PTPRD: variants seen among roughly 807,000 people sequenced by gnomAD.
PTPRD encodes protein tyrosine phosphatase receptor type D, also known as receptor-type tyrosine-protein phosphatase delta.
PTPRD carries 34 observed loss-of-function variants against 214.5 expected under a neutral mutation model. The observed-to-expected ratio is 0.16, with a 90% CI of 0.12 to 0.21. The LOEUF is 0.21. Among genes scored for constraint, PTPRD ranks in the 10% least tolerant of loss-of-function variants. The probability of loss-of-function intolerance (pLI) is 1.00; values close to 1 mark genes in which losing one functional copy is unlikely to be tolerated. For missense variants in PTPRD, 2,545 were observed against 2,398.7 expected, an observed-to-expected ratio of 1.06 and a Z score of -1.27; for synonymous variants, 1,128 against 845.7, an observed-to-expected ratio of 1.33 and a Z score of -5.79.
At chr9:9,375,982 T>C (rs1440032133) in intron 9 of PTPRD, among the ~76,000 whole-genome samples, 1 of 152,144 alleles carries the variant, frequency 6.6e-6, no homozygotes, top group Non-Finnish European at 1.5e-5. Context: ...AAATAAAATG[T>C]CTGTCAGGAT....
intron 2 of PTPRD, among the ~76,000 whole-genome samples, chr9:10,413,146 C>A (rs888575793): frequency 6.6e-6 from 1 of 151,728 alleles, no homozygotes; most frequent in African/African-American, 2.4e-5. Context: ...TAAAAAGAAT[C>A]CATATAGGAA....
chr9:8,491,799 G>C (rs762549907), intron 27 of PTPRD, among the ~76,000 whole-genome samples: 15 of 152,152 alleles, frequency 9.9e-5, no homozygotes, highest in African/African-American at 3.1e-4. Context: ...CTGGCAGTGA[G>C]CATGGCACGC....
intron 11 of PTPRD, among the ~76,000 whole-genome samples, chr9:8,742,901 G>A (rs1056448564): frequency 5.9e-5 from 9 of 152,140 alleles, no homozygotes; most frequent in African/African-American, 2.4e-5. Flanking sequence ...AATGCCTAGA[G>A]ACAATTTTTG....
chr9:9,915,232 T>C (rs1000363411), intron 5 of PTPRD, among the ~76,000 whole-genome samples: 1 of 152,138 alleles, frequency 6.6e-6, no homozygotes, highest in Non-Finnish European at 1.5e-5. Context: ...CGTATGAACA[T>C]ATCTTTCCAT....
intron 35 of PTPRD, among the ~76,000 whole-genome samples, chr9:8,414,889 G>A (rs928315698): frequency 1.5e-5 from 2 of 136,740 alleles, no homozygotes; most frequent in African/African-American, 5.5e-5. Context: ...GAGGGAGGGA[G>A]GGAGAGAGGG....
intron 3 of PTPRD, among the ~76,000 whole-genome samples, chr9:10,035,699 A>G (rs1263320569): frequency 5.3e-5 from 8 of 151,974 alleles, no homozygotes; most frequent in Admixed American, 4.6e-4. Flanking sequence ...ACAACTCCAG[A>G]CCAATCTTAC....
chr9:8,885,526 C>T (rs1001915253), intron 11 of PTPRD, among the ~76,000 whole-genome samples: 3 of 135,438 alleles, frequency 2.2e-5, no homozygotes, highest in African/African-American at 5.5e-5. Flanking sequence ...GACCAAGTCT[C>T]GCTCTTGTCA....
intron 11 of PTPRD, among the ~76,000 whole-genome samples, chr9:8,981,435 T>G (rs927492025): frequency 2.6e-5 from 4 of 152,066 alleles, no homozygotes; most frequent in Admixed American, 6.6e-5. Context: ...TTTAGTAAAG[T>G]CAAGTGTTTA....
chr9:10,492,475 T>C (rs1467040805), intron 2 of PTPRD, among the ~76,000 whole-genome samples: 1 of 152,120 alleles, frequency 6.6e-6, no homozygotes, highest in African/African-American at 2.4e-5. Context: ...GATGATTAGC[T>C]TTTTTTCATA....
intron 10 of PTPRD, among the ~76,000 whole-genome samples, chr9:9,101,681 T>A (rs1374961769): frequency 6.6e-6 from 1 of 152,192 alleles, no homozygotes; most frequent in African/African-American, 2.4e-5. Context: ...AGCTAAAGAC[T>A]TGAGACATGA....
chr9:8,367,440 C>G (rs969424602), intron 39 of PTPRD, among the ~76,000 whole-genome samples: 1 of 152,110 alleles, frequency 6.6e-6, no homozygotes, highest in African/African-American at 2.4e-5. Context: ...CCCAAGGACG[C>G]TGCTAAGCAT....
rs1472522903 is a variant in PTPRD at position 10,599,737 on chromosome 9, T to G, written c.-600+12661A>C. On this transcript the variant is annotated intron_variant, in intron 2 of 45. Coordinates refer to ENST00000381196, the MANE Select transcript of PTPRD (RefSeq NM_002839.4). ...AAGATTTTACACATATTGAAATGAT[T>G]CAAGATTGCTCTATTTTAAAAAATA... is the stretch of plus-strand genomic sequence containing the variant. 6.6e-5 allele frequency among the ~76,000 whole-genome samples: 10 copies of G among 151,940 alleles called. No homozygotes were observed. In the East Asian group the frequency reaches 1.9e-3, roughly 30 times the overall value.
At chr9:9,609,148 G>GTGAT (rs1488421769) in intron 7 of PTPRD, among the ~76,000 whole-genome samples, 2 of 152,068 alleles carry the variant, frequency 1.3e-5, no homozygotes, top group Admixed American at 6.6e-5. Context: ...TATTCTCGTA[G>GTGAT]TGATTATCCC....
chr9:9,768,365 A>G (rs1035147037), intron 5 of PTPRD, among the ~76,000 whole-genome samples: 19 of 152,210 alleles, frequency 1.2e-4, no homozygotes, highest in Non-Finnish European at 7.4e-5. Context: ...ACATTTGAAA[A>G]GTAAAATATT....
chr9:8,966,751 A>G (rs1488871978), intron 11 of PTPRD, among the ~76,000 whole-genome samples: 2 of 152,018 alleles, frequency 1.3e-5, no homozygotes, highest in East Asian at 1.9e-4. Context: ...CCAAAACATG[A>G]CAAATTAGAC....
At chr9:8,761,314 G>C (rs1038979005) in intron 11 of PTPRD, among the ~76,000 whole-genome samples, 5 of 151,968 alleles carry the variant, frequency 3.3e-5, no homozygotes, top group South Asian at 2.1e-4. Context: ...GAAGAAAAAA[G>C]GTGGTTAAAT....
At chr9:10,573,934 A>G (rs904348247) in intron 2 of PTPRD, among the ~76,000 whole-genome samples, 5 of 152,138 alleles carry the variant, frequency 3.3e-5, no homozygotes, top group African/African-American at 4.8e-5. Context: ...CTTAAAACTT[A>G]AAGTAGAATA....
At chr9:9,791,748 T>G (rs2098968978) in intron 5 of PTPRD, among the ~76,000 whole-genome samples, 1 of 152,128 alleles carries the variant, frequency 6.6e-6, no homozygotes, top group Admixed American at 6.5e-5. Context: ...TATTGAGACT[T>G]TTTTTGATTG....
chr9:8,920,993 T>C (rs1237355195), intron 11 of PTPRD, among the ~76,000 whole-genome samples: 1 of 152,164 alleles, frequency 6.6e-6, no homozygotes, highest in Non-Finnish European at 1.5e-5. Context: ...TTTGTATTTT[T>C]AGTCGAGACA....
Sources: allele counts gnomAD v4.1 joint callset (sites outside exome capture counted in the v4.1 genomes callset), GRCh38; gene constraint gnomAD v4.1.1; transcripts MANE v1.5; gene names NCBI Gene and HGNC (gene_info 2026-07-23, HGNC 2026-07-21).